Variants in SAMD5 observed in about 807,000 individuals in gnomAD.
The protein encoded by SAMD5 is sterile alpha motif domain-containing protein 5.
In SAMD5, 13 loss-of-function variants were observed where a neutral mutation model predicts 11.3. The ratio of observed to expected loss-of-function variants is 1.15; its 90% CI spans 0.75 to 1.83. SAMD5 has a LOEUF of 1.83. Ranked by LOEUF, SAMD5 falls within the 40% of genes most tolerant of loss-of-function variation. The pLI is 0.00. For missense variants in SAMD5, 255 were observed against 239.1 expected (o/e 1.07, Z -0.44); for synonymous variants, 129 against 111.3 (o/e 1.16, Z -1.00).
intron 1 of SAMD5, among the ~76,000 whole-genome samples, chr6:147,627,888 T>C (rs1790083318): frequency 6.6e-6 from 1 of 152,248 alleles, no homozygotes; most frequent in East Asian, 1.9e-4. Flanking sequence ...TTTTACTTCT[T>C]CTTTGAACAG....
intron 1 of SAMD5, among the ~76,000 whole-genome samples, chr6:147,675,699 A>G (rs1465287419): frequency 6.6e-6 from 1 of 152,190 alleles, no homozygotes; most frequent in African/African-American, 2.4e-5. Context: ...GTGGCCATTG[A>G]TTGGTCCAGT....
chr6:147,798,061 A>G, the SAMD5 span, among the ~76,000 whole-genome samples: 2 of 146,696 alleles, frequency 1.4e-5, no homozygotes. Context: ...TTTTGTCTCT[A>G]TTTCCTTCAG....
the SAMD5 span, among the ~76,000 whole-genome samples, chr6:147,870,309 C>A: frequency 6.6e-6 from 1 of 151,978 alleles, no homozygotes; most frequent in East Asian, 1.9e-4. Flanking sequence ...ACCTGTCAAG[C>A]ATGAGCTTAG....
the SAMD5 span, among the ~76,000 whole-genome samples, chr6:147,914,722 A>G: frequency 6.6e-6 from 1 of 152,188 alleles, no homozygotes; most frequent in African/African-American, 2.4e-5. Flanking sequence ...GGGGAAAAAC[A>G]GTAATTATAT....
chr6:147,660,001 C>A (rs1356629370), intron 1 of SAMD5, among the ~76,000 whole-genome samples: 2 of 152,146 alleles, frequency 1.3e-5, no homozygotes, highest in East Asian at 3.9e-4. Context: ...TTGGCAATCA[C>A]GATGCTATTA....
At chr6:147,776,674 G>A in the SAMD5 span, among the ~76,000 whole-genome samples, 1 of 152,172 alleles carries the variant, frequency 6.6e-6, no homozygotes, top group Non-Finnish European at 1.5e-5. Context: ...GCTTTCCAAA[G>A]TGTAGAACTG....
the SAMD5 span, among the ~76,000 whole-genome samples, chr6:147,891,252 G>A: frequency 4.6e-5 from 7 of 152,178 alleles, no homozygotes; most frequent in East Asian, 3.9e-4. Flanking sequence ...TGTATCACTC[G>A]AATTCTTAGA....
the SAMD5 span, among the ~76,000 whole-genome samples, chr6:147,928,371 A>C: frequency 6.6e-6 from 1 of 152,124 alleles, no homozygotes; most frequent in Non-Finnish European, 1.5e-5. Flanking sequence ...TCAGGGAATC[A>C]ATTTCCTCCT....
intron 1 of SAMD5, among the ~76,000 whole-genome samples, chr6:147,618,104 A>G (rs181746316): frequency 2.0e-5 from 3 of 152,302 alleles, no homozygotes; most frequent in Admixed American, 6.5e-5. Context: ...TAACCTTAGA[A>G]TCTCTATTTT....
chr6:147,883,311 A>C, the SAMD5 span, among the ~76,000 whole-genome samples: 1 of 152,192 alleles, frequency 6.6e-6, no homozygotes, highest in Non-Finnish European at 1.5e-5. Context: ...TTAGTGTGCC[A>C]TTTCTAATTT....
At chr6:147,880,507 C>T in the SAMD5 span, among the ~76,000 whole-genome samples, 1 of 152,170 alleles carries the variant, frequency 6.6e-6, no homozygotes, top group Non-Finnish European at 1.5e-5. Context: ...TGCGCCTTCC[C>T]TGAGCATTTT....
intron 1 of SAMD5, among the ~76,000 whole-genome samples, chr6:147,539,323 T>A (rs1431052700): frequency 6.6e-6 from 1 of 152,226 alleles, no homozygotes; most frequent in Non-Finnish European, 1.5e-5. Flanking sequence ...TGTTTCCTTG[T>A]CTTCCAGGTG....
chr6:147,541,346 G>C (rs1788601405), intron 1 of SAMD5, among the ~76,000 whole-genome samples: 1 of 152,140 alleles, frequency 6.6e-6, no homozygotes. Context: ...TGGGCTGCAG[G>C]GGAGATCAAA....
At chr6:147,547,210 A>G (rs188450779) in intron 1 of SAMD5, among the ~76,000 whole-genome samples, 1 of 152,344 alleles carries the variant, frequency 6.6e-6, no homozygotes, top group East Asian at 1.9e-4. Context: ...GCTGCATAAT[A>G]AATAGCCACA....
At chr6:147,518,717 C>A (rs1788209239) in intron 1 of SAMD5, among the ~76,000 whole-genome samples, 1 of 152,172 alleles carries the variant, frequency 6.6e-6, no homozygotes, top group Non-Finnish European at 1.5e-5. Context: ...GAGCTAGAAA[C>A]AACATTGCAT....
Position 147,713,802 on chromosome 6 carries a change from C to T in SAMD5, c.163-23515C>T, listed in dbSNP as rs554976411. Among the ~76,000 whole-genome samples, 3 of 152,188 alleles carry T rather than the reference C, an allele frequency of 2.0e-5. No individual in the cohort carries two copies. In the South Asian group the frequency reaches 6.2e-4, roughly 32 times the overall value. On this transcript the variant is annotated intron_variant, in intron 1 of 1. Coordinates refer to the SAMD5 transcript ENST00000566741. Reference sequence around the variant, plus strand: ...AAGAAAAGGGTGAGACAAGGGTAAGCTGTAGTCAGTTTTCCCCTCTTCTCT... The same window carrying T: ...AAGAAAAGGGTGAGACAAGGGTAAGTTGTAGTCAGTTTTCCCCTCTTCTCT...
chr6:147,729,511 C>T (rs908477691), intron 1 of SAMD5, among the ~76,000 whole-genome samples: 21 of 152,194 alleles, frequency 1.4e-4, no homozygotes, highest in African/African-American at 5.1e-4. Flanking sequence ...CAAAATTTCT[C>T]TCTTTATGAA....
At chr6:147,765,467 G>A in the SAMD5 span, among the ~76,000 whole-genome samples, 1 of 152,152 alleles carries the variant, frequency 6.6e-6, no homozygotes, top group African/African-American at 2.4e-5. Flanking sequence ...CACCTAACAT[G>A]CATTAAGAAA....
rs373130391 is a variant in SAMD5, at chr6:147,584,531, C to T, written c.162+75144C>T. ...TCCCAAAGGCCTGGACTAGCCAGGG[C>T]TGCCCTGGCCTCACCACCATTGCCT... On this transcript the variant is annotated intron_variant, in intron 1 of 1. Coordinates refer to the SAMD5 transcript ENST00000566741. Among the ~76,000 whole-genome samples the T allele has an allele frequency of 1.8e-3, 278 of 152,294 alleles. 1 individual carries two copies. The highest frequency in any genetic ancestry group is 3.0e-3 in the Non-Finnish European group (206 of 68,020).
Sources: allele counts gnomAD v4.1 joint callset (sites outside exome capture counted in the v4.1 genomes callset), GRCh38; gene constraint gnomAD v4.1.1; transcripts MANE v1.5; gene names NCBI Gene and HGNC (gene_info 2026-07-23, HGNC 2026-07-21).